The following KRIT1 variants were observed in gnomAD, a reference collection of about 807,000 sequenced individuals.
KRIT1 encodes KRIT1 ankyrin repeat containing, also known as krev interaction trapped protein 1.
A neutral mutation model predicts 95.8 loss-of-function variants in KRIT1; 45 were observed. The observed-to-expected ratio is 0.47, with a 90% CI of 0.37 to 0.60. The LOEUF is 0.60. Among genes scored for constraint, KRIT1 ranks in the 20% least tolerant of loss-of-function variants. KRIT1 has a pLI of 0.00. For synonymous variants in KRIT1, 282 were observed against 278.8 expected, an observed-to-expected ratio of 1.01 and a Z score of -0.11; for missense variants, 788 against 877.5, an observed-to-expected ratio of 0.90 and a Z score of 1.29.
intron 17 of KRIT1, 147 bp downstream of exon 17, chr7:92,213,048 G>A (rs1017302448): frequency 9.7e-6 from 6 of 621,552 alleles, no homozygotes; most frequent in Non-Finnish European, 1.7e-5. Context: ...TACTGACAGT[G>A]ATTTAGTGTC....
intron 14 of KRIT1, among the ~76,000 whole-genome samples, chr7:92,215,104 T>C (rs1017369338): frequency 1.4e-4 from 21 of 151,796 alleles, no homozygotes; most frequent in African/African-American, 5.1e-4. Flanking sequence ...ATTTCGCTGA[T>C]AGGAAATAGT....
At position 92,216,608 on chromosome 7, in the gene KRIT1, G is replaced by A. The variant is rs190965284; in HGVS notation, c.1564-1831C>T. Reference sequence around the variant, plus strand: ...ATGTCCTTATTCTTAGAAGATGCACGTCAAAATATGTAGGAATGACACCTG... The same window carrying A: ...ATGTCCTTATTCTTAGAAGATGCACATCAAAATATGTAGGAATGACACCTG... On this transcript the variant is annotated intron_variant, in intron 14 of 18. Coordinates refer to ENST00000394505, the MANE Select transcript of KRIT1 (RefSeq NM_194454.3). Among the ~76,000 whole-genome samples the A allele has an allele frequency of 5.3e-5, 8 of 152,200 alleles. No homozygotes were observed. The East Asian group carries it at 9.6e-4, about 18-fold the overall frequency.
At chr7:92,227,814 C>T (rs1034524818) in intron 10 of KRIT1, among the ~76,000 whole-genome samples, 3 of 152,004 alleles carry the variant, frequency 2.0e-5, no homozygotes, top group Non-Finnish European at 4.4e-5. Context: ...GAGTTCGAGA[C>T]CAGCCTGGCC....
rs1400018403 is a variant in KRIT1, at chr7:92,245,154, G to A, written c.-403C>T. 1 of 152,056 alleles carries A rather than the reference G, an allele frequency of 6.6e-6. No homozygotes were observed. Among genetic ancestry groups the A allele is most frequent in the Non-Finnish European group, 1.5e-5 (1 of 68,032 alleles). The allele number at this position is 152,056 out of a possible 1,614,324, so 9.4% of individuals were successfully genotyped here. On this transcript the variant is annotated 5_prime_UTR_variant, in exon 2 of 19. Transcript: ENST00000394505. ...GTGAGGCTAAAAACATGTAGAAAAA[G>A]CGATGAAAGCCAAAAACCTTAAAAG...
intron 17 of KRIT1, among the ~76,000 whole-genome samples, chr7:92,208,844 C>T (rs776015901): frequency 2.7e-4 from 41 of 151,718 alleles, no homozygotes; most frequent in Non-Finnish European, 4.4e-4. Context: ...ACTCATTCAA[C>T]GAGGCCAGCA....
chr7:92,213,881 A>G lies in KRIT1; in HGVS notation c.1818+11T>C, dbSNP rs529066812. 1.3e-6 allele frequency: 2 copies of G among 1,521,574 alleles called. No homozygotes were observed. Among genetic ancestry groups the G allele is most frequent in the East Asian group, 4.5e-5 (2 of 44,276 alleles). 94.3% of individuals were successfully genotyped at this position (1,521,574 alleles called of 1,614,324 possible). A position where few individuals can be genotyped will look rare whatever the true frequency, so the allele number is the denominator to read the frequency against. On this transcript the variant is annotated intron_variant, in intron 16 of 18. Coordinates refer to ENST00000394505, the MANE Select transcript of KRIT1 (RefSeq NM_194454.3). ...TATAAAATGTCTTTTCATTTCTATTAAACAGCTTACCTTGTATTCATGAAG... is the reference window on the plus strand; with the variant it reads ...TATAAAATGTCTTTTCATTTCTATTGAACAGCTTACCTTGTATTCATGAAG...
rs76182636 is a variant in KRIT1, at chr7:92,241,302, A to T, written c.103-150T>A. On this transcript the variant is annotated intron_variant, in intron 4 of 18. Coordinates refer to ENST00000394505, the MANE Select transcript of KRIT1 (RefSeq NM_194454.3). The stretch of plus-strand genomic sequence containing the variant: ...CAATAGCAATGCCCAGCCCCATCCC[A>T]CACAGATGGGAATGTCTGGGGCCTG... 3.3e-3 allele frequency: 2,195 copies of T among 661,528 alleles called. 37 individuals are homozygous for T. The African/African-American group carries it at 0.036, about 11-fold the overall frequency. 41.0% of individuals were successfully genotyped at this position (661,528 alleles called of 1,614,324 possible). A position where few individuals can be genotyped will look rare whatever the true frequency, so the allele number is the denominator to read the frequency against.
At position 92,236,521 on chromosome 7, in the gene KRIT1, G is replaced by T. The variant is rs1232504536; in HGVS notation, c.377C>A (p.Thr126Asn). 18 of 1,551,096 alleles carry T rather than the reference G, an allele frequency of 1.2e-5. No homozygotes were observed. The highest frequency in any genetic ancestry group is 1.6e-5 in the Non-Finnish European group (18 of 1,123,406). ...VVKDNTKYTY[T>N]PGCPIFYCLQ... Reference sequence around the variant, plus strand: ...GCAGTAAAAAATTGGGCATCCTGGGGTATATGTGTATTTAGTATTATCTGA... The same window carrying T: ...GCAGTAAAAAATTGGGCATCCTGGGTTATATGTGTATTTAGTATTATCTGA... Residue 126 changes from threonine to asparagine, a missense_variant, in exon 7 of 19, where the codon ACC becomes AAC. Physicochemically the swap from Thr to Asn is moderately conservative, Grantham distance 65. Coordinates refer to ENST00000394505, the MANE Select transcript of KRIT1 (RefSeq NM_194454.3).
chr7:92,217,749 T>C (rs1312608882), intron 14 of KRIT1, among the ~76,000 whole-genome samples: 1 of 152,202 alleles, frequency 6.6e-6, no homozygotes, highest in African/African-American at 2.4e-5. Context: ...TTTGAGTCCT[T>C]GTTTTCAATT....
chr7:92,227,720 A>C (rs1236553535), intron 10 of KRIT1, among the ~76,000 whole-genome samples: 1 of 151,674 alleles, frequency 6.6e-6, no homozygotes, highest in Non-Finnish European at 1.5e-5. Flanking sequence ...TCTTTAGTAA[A>C]GATGGGGTTT....
chr7:92,225,910 T>C, intron 11 of KRIT1, 83 bp from the exon 12 acceptor site: 1 of 773,868 alleles, frequency 1.3e-6, no homozygotes, highest in Non-Finnish European at 2.3e-6. Flanking sequence ...TTAATCACAG[T>C]TTCATAAAAA....
intron 5 of KRIT1, among the ~76,000 whole-genome samples, chr7:92,240,007 C>T (rs1407151123): frequency 6.6e-6 from 1 of 152,038 alleles, no homozygotes; most frequent in African/African-American, 2.4e-5. Flanking sequence ...CTGCACCTCA[C>T]GTCTTATAAG....
upstream of KRIT1, chr7:92,246,017 G>T: frequency 7.8e-6 from 2 of 257,028 alleles, no homozygotes; most frequent in South Asian, 6.9e-5. Flanking sequence ...CTTTTCACTG[G>T]ACCTGCAGTC....
chr7:92,208,499 TAAAC>T (rs1563228154), intron 17 of KRIT1, among the ~76,000 whole-genome samples: 1 of 151,502 alleles, frequency 6.6e-6, no homozygotes, highest in East Asian at 1.9e-4. Flanking sequence ...AAAATCCAAA[TAAAC>T]AAAATCATAA....
rs775375977 is a variant in KRIT1 at position 92,222,856 on chromosome 7, T to C, written c.1377A>G (p.Gln459=). 89 of 1,608,450 alleles carry C rather than the reference T, an allele frequency of 5.5e-5. No individual in the cohort carries two copies. In the South Asian group the frequency reaches 7.6e-4, roughly 14 times the overall value. Residue 459 remains glutamine, a synonymous_variant, in exon 13 of 19, where the codon CAA becomes CAG. Coordinates refer to ENST00000394505, the MANE Select transcript of KRIT1 (RefSeq NM_194454.3). Reference sequence around the variant, plus strand: ...CTGAACAAATCCATATAGTGAAATATTGCTGAGTTTCTTGAGAGAGACGCA... The same window carrying C: ...CTGAACAAATCCATATAGTGAAATACTGCTGAGTTTCTTGAGAGAGACGCA... ...EGMRLSQETQ[Q]YFTIWICSEN...
chr7:92,226,534 T>C lies in KRIT1; in HGVS notation c.1138A>G (p.Thr380Ala). ...IVQILLNHPE[T>A]DRHITDQQGR... ...CCTGGAAAATAACTTACTCTATCCGTTTCTGGGTGGTTTAGGAGAATCTGT... is the reference window on the plus strand; with the variant it reads ...CCTGGAAAATAACTTACTCTATCCGCTTCTGGGTGGTTTAGGAGAATCTGT... The change falls in exon 11 of 19, where the codon ACG becomes GCG. Residue 380 changes from threonine (T) to alanine (A), a missense_variant. Around this residue, in one of 3 missense-constraint regions of KRIT1, gnomAD observed 493 missense variants for 582.3 expected, o/e 0.85. Transcript: ENST00000394505. The C allele has an allele frequency of 6.2e-7, 1 of 1,611,220 alleles. No individual in the cohort carries two copies.
intron 12 of KRIT1, among the ~76,000 whole-genome samples, chr7:92,224,546 T>G (rs1427802547): frequency 1.3e-5 from 2 of 152,288 alleles, no homozygotes; most frequent in East Asian, 3.9e-4. Flanking sequence ...TTCTTCTCAT[T>G]GTTAATTCTT....
chr7:92,234,619 A>C, intron 9 of KRIT1, 27 bp from the exon 10 acceptor site: 1 of 1,594,620 alleles, frequency 6.3e-7, no homozygotes, highest in Non-Finnish European at 8.6e-7. Flanking sequence ...AATTTTGAAA[A>C]ATACAACAGG....
chr7:92,240,066 CA>C (rs1799285676), intron 5 of KRIT1, among the ~76,000 whole-genome samples: 2 of 152,112 alleles, frequency 1.3e-5, no homozygotes, highest in African/African-American at 4.8e-5. Context: ...TCCCAACCCA[CA>C]AAAACTCTTC....
Sources: allele counts gnomAD v4.1 joint callset (sites outside exome capture counted in the v4.1 genomes callset), GRCh38; gene constraint gnomAD v4.1.1; regional missense constraint gnomAD v4.1.1; transcripts MANE v1.5; gene names NCBI Gene and HGNC (gene_info 2026-07-23, HGNC 2026-07-21).